Variants in MRC2 observed in about 807,000 individuals in gnomAD.
The protein encoded by MRC2 is C-type mannose receptor 2.
Under a neutral mutation model 206.2 loss-of-function variants are expected in MRC2, and 84 were observed. That is an observed-to-expected ratio of 0.41 (90% CI 0.34 to 0.49). The LOEUF is 0.49. Among genes scored for constraint, MRC2 ranks in the 20% least tolerant of loss-of-function variants. The pLI is 0.31. For synonymous variants in MRC2, 798 were observed against 800.0 expected, an observed-to-expected ratio of 1.00 and a Z score of 0.04; for missense variants, 1,676 against 2,001.5, an observed-to-expected ratio of 0.84 and a Z score of 3.10.
chr17:62,648,625 T>G (rs761777636), intron 1 of MRC2, among the ~76,000 whole-genome samples: 3 of 152,118 alleles, frequency 2.0e-5, no homozygotes, highest in Non-Finnish European at 4.4e-5. Flanking sequence ...TGCATCTCCC[T>G]CCTGGGAGAC....
chr17:62,682,187 G>A, intron 19 of MRC2, 48 bp from the exon 20 acceptor site: 1 of 1,501,758 alleles, frequency 6.7e-7, no homozygotes, highest in Non-Finnish European at 8.9e-7. Flanking sequence ...GCCATGCCCT[G>A]CCCTGCTCTG....
chr17:62,669,756 A>G (rs972110516), intron 6 of MRC2, among the ~76,000 whole-genome samples: 2 of 151,594 alleles, frequency 1.3e-5, no homozygotes, highest in Non-Finnish European at 2.9e-5. Context: ...GGGTTTCACC[A>G]TGTTGCCCAG....
At chr17:62,643,929 G>A (rs1315316536) in intron 1 of MRC2, among the ~76,000 whole-genome samples, 9 of 152,068 alleles carry the variant, frequency 5.9e-5, no homozygotes, top group Non-Finnish European at 1.3e-4. Context: ...AAATGTTTGC[G>A]TGTGGATATG....
intron 10 of MRC2, 102 bp from the exon 11 acceptor site, chr17:62,676,281 G>T: frequency 1.4e-6 from 2 of 1,441,594 alleles, no homozygotes; most frequent in Non-Finnish European, 1.9e-6. Flanking sequence ...GCAAGTTATT[G>T]GTCGGGTGCA....
chr17:62,679,589 T>C, intron 13 of MRC2: 1 of 432,624 alleles, frequency 2.3e-6, no homozygotes, highest in Non-Finnish European at 4.1e-6. Context: ...GTGGATGGCT[T>C]GGTCCAGCTC....
chr17:62,692,488 TG>T lies in MRC2; in HGVS notation c.*41del, dbSNP rs1296432297. The T allele has an allele frequency of 1.9e-5, 29 of 1,528,158 alleles. No individual in the cohort carries two copies. Among genetic ancestry groups the T allele is most frequent in the Non-Finnish European group, 2.5e-5 (28 of 1,130,980 alleles). 94.7% of individuals were successfully genotyped at this position (1,528,158 alleles called of 1,614,324 possible). A position where few individuals can be genotyped will look rare whatever the true frequency, so the allele number is the denominator to read the frequency against. On this transcript the variant is annotated 3_prime_UTR_variant, in exon 30 of 30. Coordinates refer to ENST00000303375, the MANE Select transcript of MRC2 (RefSeq NM_006039.5). The surrounding 1 kb of genome is among the most constrained non-coding windows in gnomAD (Gnocchi z 4.2). ...TGGGCAGGGCCAGGGCGGGAGGAGC[TG>T]GGGAGCTGGGGCCCTGGGTCAGTCT...
intron 2 of MRC2, among the ~76,000 whole-genome samples, chr17:62,665,407 C>T (rs1229002047): frequency 1.4e-5 from 2 of 143,628 alleles, no homozygotes; most frequent in East Asian, 4.0e-4. Context: ...TCTGTCCCCC[C>T]CCCCACAAAA....
intron 1 of MRC2, among the ~76,000 whole-genome samples, chr17:62,631,637 G>A (rs986986329): frequency 2.6e-5 from 4 of 152,102 alleles, no homozygotes; most frequent in African/African-American, 9.7e-5. Flanking sequence ...GGAGGGTGGA[G>A]CGAGCAGCCC....
rs548534719 is a variant in MRC2 at position 62,664,413 on chromosome 17, C to T, written c.119-135C>T. The T allele has an allele frequency of 1.9e-5, 19 of 1,007,470 alleles. No individual in the cohort carries two copies. The highest frequency in any genetic ancestry group is 1.7e-4 in the East Asian group (7 of 41,780). The allele number at this position is 1,007,470 out of a possible 1,614,324, so 62.4% of individuals were successfully genotyped here. ...ACCTCAGAGGGTTGGTAGTGAGTAC[C>T]GAGTGATTTAACGTATGAGTGACGG... is the stretch of plus-strand genomic sequence containing the variant. On this transcript the variant is annotated intron_variant, in intron 1 of 29. Coordinates refer to ENST00000303375, the MANE Select transcript of MRC2 (RefSeq NM_006039.5). This position sits in a 1 kb window ranked among gnomAD's most constrained non-coding sequence, Gnocchi z 4.7.
chr17:62,634,038 G>A (rs2088280765), intron 1 of MRC2, among the ~76,000 whole-genome samples: 1 of 152,074 alleles, frequency 6.6e-6, no homozygotes, highest in African/African-American at 2.4e-5. Context: ...ATAGGCAGAG[G>A]AGTAGCACTG....
intron 1 of MRC2, among the ~76,000 whole-genome samples, chr17:62,632,121 G>A (rs1239751562): frequency 6.6e-6 from 1 of 152,080 alleles, no homozygotes; most frequent in Non-Finnish European, 1.5e-5. Context: ...CCTGGGCCCT[G>A]CAGATCTGTC....
chr17:62,636,914 C>T (rs1383173467), intron 1 of MRC2, among the ~76,000 whole-genome samples: 1 of 152,092 alleles, frequency 6.6e-6, no homozygotes, highest in Non-Finnish European at 1.5e-5. Context: ...GACCAATGGA[C>T]ACTTTTGAAA....
In MRC2 at chr17:62,672,960, C is replaced by G. The variant is rs567719428; in HGVS notation, c.1461+808C>G. Among the ~76,000 whole-genome samples the G allele has an allele frequency of 1.3e-5, 2 of 151,140 alleles. No individual in the cohort carries two copies. Among genetic ancestry groups the G allele is most frequent in the Non-Finnish European group, 2.9e-5 (2 of 67,870 alleles). On this transcript the variant is annotated intron_variant, in intron 8 of 29. Coordinates refer to ENST00000303375, the MANE Select transcript of MRC2 (RefSeq NM_006039.5). This position sits in a 1 kb window ranked among gnomAD's most constrained non-coding sequence, Gnocchi z 4.5. ...TGAGCTGAGATTGCACCACTGCACT[C>G]CAGCCTGGGTGACAGAGCAAGACCC...
chr17:62,657,791 C>T (rs1390826409), intron 1 of MRC2, among the ~76,000 whole-genome samples: 1 of 152,188 alleles, frequency 6.6e-6, no homozygotes, highest in East Asian at 1.9e-4. Context: ...TCTCTTTCCC[C>T]AGCAGTTCCA....
intron 6 of MRC2, among the ~76,000 whole-genome samples, chr17:62,670,731 G>A (rs1216453679): frequency 1.3e-5 from 2 of 152,290 alleles, no homozygotes; most frequent in East Asian, 3.9e-4. Flanking sequence ...GAGCGGGGAA[G>A]GAGTCCCAGC....
intron 18 of MRC2, chr17:62,681,435 C>T (rs2088965301): frequency 3.9e-6 from 2 of 511,430 alleles, no homozygotes; most frequent in South Asian, 2.5e-5. Context: ...TGACTAAGGC[C>T]CTCTCGGGGA....
chr17:62,686,189 C>T (rs1376704538), intron 20 of MRC2, among the ~76,000 whole-genome samples: 1 of 152,126 alleles, frequency 6.6e-6, no homozygotes. Context: ...CGCGGTGGCT[C>T]AGCCTATAAT....
At chr17:62,634,598 C>A (rs766411543) in intron 1 of MRC2, among the ~76,000 whole-genome samples, 4 of 151,740 alleles carry the variant, frequency 2.6e-5, no homozygotes, top group Non-Finnish European at 5.9e-5. Context: ...CACGCCTAGC[C>A]CAGAGATCAC....
At chr17:62,648,913 G>A (rs966619392) in intron 1 of MRC2, among the ~76,000 whole-genome samples, 1 of 152,204 alleles carries the variant, frequency 6.6e-6, no homozygotes, top group Non-Finnish European at 1.5e-5. Context: ...AAACTGGGCA[G>A]AGGTTCTTGC....
Sources: allele counts gnomAD v4.1 joint callset (sites outside exome capture counted in the v4.1 genomes callset), GRCh38; gene constraint gnomAD v4.1.1; non-coding constraint Gnocchi (gnomAD v3.1); transcripts MANE v1.5; gene names NCBI Gene and HGNC (gene_info 2026-07-23, HGNC 2026-07-21).